Variants in RPP30 observed in about 807,000 individuals in gnomAD.
The protein encoded by RPP30 is ribonuclease P protein subunit p30.
In RPP30, 36 loss-of-function variants were observed where a neutral mutation model predicts 38.6. The observed-to-expected ratio is 0.93, with a 90% confidence interval of 0.71 to 1.23. The LOEUF (loss-of-function observed/expected upper bound fraction) is 1.23. RPP30 is among the 50% of genes most tolerant of loss of function. The pLI, the probability that RPP30 is intolerant of heterozygous loss-of-function variation, is 0.00. For missense variants in RPP30, 321 were observed against 321.7 expected, an observed-to-expected ratio of 1.00 and a Z score of 0.02; for synonymous variants, 126 against 112.7, an observed-to-expected ratio of 1.12 and a Z score of -0.75.
chr10:90,900,618 G>A lies in RPP30; in HGVS notation c.746G>A (p.Arg249Gln), dbSNP rs185152546. Residue 249 changes from arginine (R) to glutamine (Q), a missense_variant, in exon 11 of 11, where the codon CGG becomes CAG. Coordinates refer to ENST00000371703, the MANE Select transcript of RPP30 (RefSeq NM_006413.5). ...ATTATCTCTACAGTGAAGAAACCTC[G>A]GCCATCAGAAGGAGATGAAGATTGT... The part of the protein sequence containing the change: ...FGIISTVKKP[R>Q]PSEGDEDCLP... 1.1e-5 allele frequency: 17 copies of A among 1,613,474 alleles called. No individual in the cohort carries two copies. In the African/African-American group the frequency reaches 1.3e-4, roughly 13 times the overall value.
rs770228643 is a variant in RPP30 at position 90,901,415 on chromosome 10, A to G, written c.*736A>G. 59 of 985,094 alleles carry G rather than the reference A, an allele frequency of 6.0e-5. No individual in the cohort carries two copies. Among genetic ancestry groups the G allele is most frequent in the Non-Finnish European group, 6.8e-5 (56 of 829,620 alleles). 61.0% of individuals were successfully genotyped at this position (985,094 alleles called of 1,614,324 possible). A position where few individuals can be genotyped will look rare whatever the true frequency, so the allele number is the denominator to read the frequency against. On this transcript the variant is annotated 3_prime_UTR_variant, in exon 11 of 11. Coordinates refer to ENST00000371703, the MANE Select transcript of RPP30 (RefSeq NM_006413.5). Reference sequence around the variant, plus strand: ...CTCTTGTTTTAAGCTTCTTTCATGTATTCAAATCAGCATTTTTTTCTAAGA... The same window carrying G: ...CTCTTGTTTTAAGCTTCTTTCATGTGTTCAAATCAGCATTTTTTTCTAAGA...
chr10:90,880,441 T>C (rs142488840), intron 5 of RPP30, among the ~76,000 whole-genome samples: 3 of 152,274 alleles, frequency 2.0e-5, no homozygotes, highest in African/African-American at 7.2e-5. Flanking sequence ...AAAAATGCAA[T>C]TGTAGGCCGG....
chr10:90,894,051 G>A (rs1376835330), intron 6 of RPP30, among the ~76,000 whole-genome samples: 2 of 152,204 alleles, frequency 1.3e-5, no homozygotes, highest in Non-Finnish European at 2.9e-5. Flanking sequence ...TGTATGGTGA[G>A]CTGGGCAAAA....
intron 9 of RPP30, 80 bp downstream of exon 9, chr10:90,895,997 G>A: frequency 9.1e-7 from 1 of 1,096,850 alleles, no homozygotes; most frequent in Non-Finnish European, 1.4e-6. Context: ...AGTTGAACAT[G>A]TATTTTTCTC....
intron 4 of RPP30, 41 bp downstream of exon 4, chr10:90,876,139 G>A: frequency 1.6e-6 from 2 of 1,248,154 alleles, no homozygotes. Context: ...GGCTTTGTGA[G>A]TTGTATTGAT....
At chr10:90,877,769 GAGGCGT>G (rs1183433878) in intron 4 of RPP30, among the ~76,000 whole-genome samples, 1 of 152,220 alleles carries the variant, frequency 6.6e-6, no homozygotes, top group Non-Finnish European at 1.5e-5. Context: ...AGGAGAATGG[GAGGCGT>G]AGGGTGGTTA....
At chr10:90,902,744 A>T (rs1459676675), downstream of RPP30, among the ~76,000 whole-genome samples, 1 of 152,198 alleles carries the variant, frequency 6.6e-6, no homozygotes, top group Non-Finnish European at 1.5e-5. Flanking sequence ...GTGTATATTA[A>T]ATGTGATGGC....
chr10:90,905,054 A>C (rs1164389694), downstream of RPP30, among the ~76,000 whole-genome samples: 4 of 152,250 alleles, frequency 2.6e-5, no homozygotes, highest in Non-Finnish European at 5.9e-5. Flanking sequence ...CCTGCCGAGC[A>C]TGGTCATCAA....
At chr10:90,872,267 T>C (rs1846788523) in intron 1 of RPP30, 199 bp downstream of exon 1, 2 of 592,548 alleles carry the variant, frequency 3.4e-6, no homozygotes, top group East Asian at 5.6e-5. Flanking sequence ...TGTTATCTGG[T>C]TCAGCTACTT....
At chr10:90,885,266 G>A (rs1207798284) in intron 5 of RPP30, among the ~76,000 whole-genome samples, 1 of 152,134 alleles carries the variant, frequency 6.6e-6, no homozygotes, top group Non-Finnish European at 1.5e-5. Context: ...AACTATTTAT[G>A]TAGATTCCTT....
At chr10:90,904,791 G>A (rs1031632995), downstream of RPP30, among the ~76,000 whole-genome samples, 7 of 152,030 alleles carry the variant, frequency 4.6e-5, 1 homozygote, top group East Asian at 3.8e-4. Flanking sequence ...CAGTCTGGGC[G>A]ACAGAATGAG....
At chr10:90,875,475 C>T in intron 2 of RPP30, 83 bp from the exon 3 acceptor site, 2 of 1,060,522 alleles carry the variant, frequency 1.9e-6, no homozygotes, top group South Asian at 1.6e-5. Flanking sequence ...CATATTTTTT[C>T]TGAGAACACC....
chr10:90,874,828 G>A (rs550512688), intron 1 of RPP30, 41 bp from the exon 2 acceptor site: 10 of 1,398,520 alleles, frequency 7.2e-6, no homozygotes, highest in Admixed American at 7.0e-5. Flanking sequence ...GGAAGGAGAG[G>A]TTGTTATATT....
chr10:90,890,969 T>G (rs540843659), intron 6 of RPP30, among the ~76,000 whole-genome samples: 1 of 152,212 alleles, frequency 6.6e-6, no homozygotes, highest in Non-Finnish European at 1.5e-5. Flanking sequence ...CCTGTGTGAT[T>G]AGAGATACAC....
At chr10:90,905,805 T>C (rs1847248061), downstream of RPP30, 1 of 152,190 alleles carries the variant, frequency 6.6e-6, no homozygotes, top group African/African-American at 2.4e-5. Flanking sequence ...TCTTATACTT[T>C]TGATGTCAAT....
chr10:90,875,788 T>A (rs900804300), intron 3 of RPP30, among the ~76,000 whole-genome samples, 174 bp downstream of exon 3: 4 of 152,238 alleles, frequency 2.6e-5, no homozygotes, highest in Non-Finnish European at 5.9e-5. Flanking sequence ...CAGCATTGCT[T>A]TGATGATCTT....
intron 10 of RPP30, among the ~76,000 whole-genome samples, chr10:90,899,791 A>G (rs533489105): frequency 7.2e-5 from 11 of 152,192 alleles, no homozygotes; most frequent in Non-Finnish European, 1.3e-4. Context: ...GGATGCCTCC[A>G]TTCCTATTAT....
At chr10:90,903,330 T>G, downstream of RPP30, 8 of 1,215,644 alleles carry the variant, frequency 6.6e-6, no homozygotes, top group Non-Finnish European at 9.5e-6. Flanking sequence ...CTTAACAGGA[T>G]GTATGTTCAA....
At chr10:90,896,010 C>T in intron 9 of RPP30, 93 bp downstream of exon 9, 3 of 951,820 alleles carry the variant, frequency 3.2e-6, no homozygotes, top group South Asian at 1.6e-5. Context: ...TTTTTCTCAA[C>T]CTTTTACTGT....
Sources: allele counts gnomAD v4.1 joint callset (sites outside exome capture counted in the v4.1 genomes callset), GRCh38; gene constraint gnomAD v4.1.1; transcripts MANE v1.5; gene names NCBI Gene and HGNC (gene_info 2026-07-23, HGNC 2026-07-21).